ARHGEF10: variants seen among roughly 807,000 people sequenced by gnomAD.
ARHGEF10 encodes Rho guanine nucleotide exchange factor (GEF) 10.
In ARHGEF10, 140 loss-of-function variants were observed where a neutral mutation model predicts 147.4. The observed-to-expected ratio is 0.95, with a 90% confidence interval of 0.83 to 1.09. The LOEUF is 1.09. ARHGEF10 is among the 50% of genes least tolerant of loss of function. ARHGEF10 has a pLI of 0.00. For missense variants in ARHGEF10, 2,222 were observed against 1,752.7 expected, an observed-to-expected ratio of 1.27 and a Z score of -4.78; for synonymous variants, 902 against 695.8, an observed-to-expected ratio of 1.30 and a Z score of -4.67.
chr8:1,922,689 A>G (rs1812388184), intron 18 of ARHGEF10, among the ~76,000 whole-genome samples: 1 of 152,216 alleles, frequency 6.6e-6, no homozygotes, highest in East Asian at 1.9e-4. Context: ...TTTGACGGTC[A>G]TGATACGCTT....
chr8:1,886,592 C>G (rs1351767902), intron 11 of ARHGEF10, among the ~76,000 whole-genome samples: 1 of 152,210 alleles, frequency 6.6e-6, no homozygotes, highest in African/African-American at 2.4e-5. Context: ...TTAGTTTTGT[C>G]AGCAGCATCA....
intron 1 of ARHGEF10, among the ~76,000 whole-genome samples, chr8:1,833,897 C>T (rs1803423026): frequency 6.6e-6 from 1 of 152,230 alleles, no homozygotes; most frequent in Admixed American, 6.5e-5. Context: ...AAGTGTACGG[C>T]ACACAGCATT....
chr8:1,879,220 C>G (rs551319416), intron 8 of ARHGEF10, among the ~76,000 whole-genome samples: 1 of 152,104 alleles, frequency 6.6e-6, no homozygotes, highest in Admixed American at 6.6e-5. Flanking sequence ...TGTGACCACA[C>G]GGAGAAGGAT....
chr8:1,943,022 G>A (rs747411794), intron 26 of ARHGEF10, among the ~76,000 whole-genome samples: 7 of 152,170 alleles, frequency 4.6e-5, no homozygotes, highest in African/African-American at 1.2e-4. Flanking sequence ...ACAGAATTGC[G>A]CCCTATAGAA....
intron 18 of ARHGEF10, among the ~76,000 whole-genome samples, chr8:1,913,708 C>G (rs1794257004): frequency 6.6e-6 from 1 of 152,322 alleles, no homozygotes; most frequent in Middle Eastern, 3.4e-3. Context: ...AACTTTGCAG[C>G]AAGAGGGGAA....
At chr8:1,854,967 C>T (rs1294761263) in intron 2 of ARHGEF10, among the ~76,000 whole-genome samples, 1 of 152,126 alleles carries the variant, frequency 6.6e-6, no homozygotes, top group African/African-American at 2.4e-5. Flanking sequence ...GGGCTGGTGT[C>T]ACAGCCCAGG....
chr8:1,880,449 A>T lies in ARHGEF10; in HGVS notation c.960+285A>T, dbSNP rs1808090557. On this transcript the variant is annotated intron_variant, in intron 9 of 28. Transcript: ENST00000349830. Reference sequence around the variant, plus strand: ...GTCTACTAGAGAGGGGTTTCCAGAAACGCACAATGCCACTTTCTGTTTGTT... The same window carrying T: ...GTCTACTAGAGAGGGGTTTCCAGAATCGCACAATGCCACTTTCTGTTTGTT... Among the ~76,000 whole-genome samples, 3 of 152,246 alleles carry T rather than the reference A, an allele frequency of 2.0e-5. 1 individual carries two copies. The highest frequency in any genetic ancestry group is 4.1e-4 in the South Asian group (2 of 4,834).
intron 11 of ARHGEF10, among the ~76,000 whole-genome samples, chr8:1,886,720 A>G (rs1437566403): frequency 2.0e-5 from 3 of 152,152 alleles, no homozygotes; most frequent in South Asian, 2.1e-4. Context: ...GTTTCACTGC[A>G]TTTCATCCTT....
chr8:1,927,694 C>T (rs1420095579), intron 23 of ARHGEF10, among the ~76,000 whole-genome samples: 1 of 152,134 alleles, frequency 6.6e-6, no homozygotes, highest in Non-Finnish European at 1.5e-5. Context: ...GCGGGTGGAT[C>T]ACAAGGTCAG....
In ARHGEF10 at chr8:1,894,399, G is replaced by C; in HGVS notation, c.1267G>C (p.Glu423Gln). The change falls in exon 13 of 29, where the codon GAG (glutamate) becomes CAG (glutamine). Residue 423 changes from glutamate (E) to glutamine (Q), a missense_variant. By Grantham distance (29) the Glu-to-Gln change is conservative (BLOSUM62 2). Coordinates refer to ENST00000349830, the MANE Select transcript of ARHGEF10 (RefSeq NM_014629.4). ...TTTGCTCATTTTGTCTTAGCAATAT[G>C]AGAAGCCGCTGTCTGAGATGGAGCC... ...DALKRILEQY[E>Q]KPLSEMEPKV... 1 of 1,614,176 alleles carries C rather than the reference G, an allele frequency of 6.2e-7. No individual in the cohort carries two copies. Among genetic ancestry groups the C allele is most frequent in the Admixed American group, 1.7e-5 (1 of 60,032 alleles).
At chr8:1,843,887 A>G (rs2129051997) in intron 2 of ARHGEF10, among the ~76,000 whole-genome samples, 1 of 152,148 alleles carries the variant, frequency 6.6e-6, no homozygotes, top group East Asian at 1.9e-4. Context: ...CGCCCTCTCT[A>G]TCCATATGCT....
intron 18 of ARHGEF10, among the ~76,000 whole-genome samples, chr8:1,916,224 C>T (rs889948030): frequency 1.3e-5 from 2 of 152,106 alleles, no homozygotes; most frequent in Non-Finnish European, 1.5e-5. Context: ...CGGCCAGCCA[C>T]GGAAAGGTGC....
chr8:1,851,094 T>C (rs1409662409), intron 2 of ARHGEF10, among the ~76,000 whole-genome samples: 1 of 152,054 alleles, frequency 6.6e-6, no homozygotes, highest in African/African-American at 2.4e-5. Flanking sequence ...TCCTTGATAA[T>C]GGTGCATCCA....
chr8:1,944,109 C>CCG (rs1563322218), intron 26 of ARHGEF10, among the ~76,000 whole-genome samples: 8 of 150,284 alleles, frequency 5.3e-5, no homozygotes, highest in South Asian at 2.1e-4. Flanking sequence ...GCCTCCCGCA[C>CCG]TGTGTCGCCT....
At chr8:1,914,333 C>CG (rs1234974940) in intron 18 of ARHGEF10, among the ~76,000 whole-genome samples, 1 of 152,202 alleles carries the variant, frequency 6.6e-6, no homozygotes, top group Non-Finnish European at 1.5e-5. Flanking sequence ...GTCTGAGCAG[C>CG]GCGTCCAGCC....
intron 2 of ARHGEF10, among the ~76,000 whole-genome samples, chr8:1,845,051 T>C (rs2129053372): frequency 6.6e-6 from 1 of 152,108 alleles, no homozygotes; most frequent in Admixed American, 6.5e-5. Flanking sequence ...GGGTGGGAGG[T>C]TCACTTGAGC....
chr8:1,952,602 G>T, intron 27 of ARHGEF10, 103 bp from the exon 28 acceptor site: 2 of 1,486,840 alleles, frequency 1.3e-6, no homozygotes, highest in Non-Finnish European at 1.8e-6. Context: ...TGGCGGATTT[G>T]GTGGTGGCAC....
intron 27 of ARHGEF10, among the ~76,000 whole-genome samples, chr8:1,951,878 T>C (rs1246042163): frequency 2.3e-5 from 1 of 43,760 alleles, no homozygotes; most frequent in Admixed American, 2.5e-4. Flanking sequence ...GTGATGTGGC[T>C]CCCACCCTGT....
At position 1,958,354 on chromosome 8, in the gene ARHGEF10, G is replaced by GA. The variant is rs1356140281; in HGVS notation, c.*1091_*1092insA. On this transcript the variant is annotated 3_prime_UTR_variant, in exon 29 of 29. Coordinates refer to ENST00000349830, the MANE Select transcript of ARHGEF10 (RefSeq NM_014629.4). ...CCGCGTGAGAACGTGCATAATGAGT[G>GA]CACACCATCATGTCAAGGTGCATAC... is the stretch of plus-strand genomic sequence containing the variant. 6.6e-6 allele frequency: 1 copy of GA among 152,196 alleles called. No homozygotes were observed. The highest frequency in any genetic ancestry group is 1.9e-4 in the East Asian group (1 of 5,196). The allele number at this position is 152,196 out of a possible 1,614,324, so 9.4% of individuals were successfully genotyped here. A position where few individuals can be genotyped will look rare whatever the true frequency, so the allele number is the denominator to read the frequency against.
Sources: allele counts gnomAD v4.1 joint callset (sites outside exome capture counted in the v4.1 genomes callset), GRCh38; gene constraint gnomAD v4.1.1; transcripts MANE v1.5; gene names NCBI Gene and HGNC (gene_info 2026-07-23, HGNC 2026-07-21).